Variants in FOXH1 observed in about 807,000 individuals in gnomAD.
FOXH1 encodes the protein forkhead box H1.
FOXH1 carries 10 observed loss-of-function variants against 14.2 expected under a neutral mutation model. The ratio of observed to expected loss-of-function variants is 0.70; its 90% CI spans 0.43 to 1.19. The LOEUF (loss-of-function observed/expected upper bound fraction) is 1.19. FOXH1 is among the 50% of genes most tolerant of loss of function. The pLI, the probability that FOXH1 is intolerant of heterozygous loss-of-function variation, is 0.00. For missense variants in FOXH1, 643 were observed against 492.1 expected (o/e 1.31, Z -2.90); for synonymous variants, 273 against 209.5 (o/e 1.30, Z -2.62).
chr8:144,474,383 C>T lies in FOXH1; in HGVS notation c.953G>A (p.Arg318Gln), dbSNP rs371033241. 30 of 1,613,052 alleles carry T rather than the reference C, an allele frequency of 1.9e-5. No individual in the cohort carries two copies. Among genetic ancestry groups the T allele is most frequent in the Non-Finnish European group, 2.2e-5 (26 of 1,180,006 alleles). ...ATCGCAGAGCAGCCCTGGGGGCCCT[C>T]GGGTTTCAGGGGCCACCCCCCAGTA... ...PAYWGVAPET[R>Q]GPPGLLCDLD... The change falls in exon 3 of 3, where the codon CGA becomes CAA. Residue 318 changes from arginine (R) to glutamine (Q), a missense_variant. Physicochemically the swap from Arg to Gln is conservative, Grantham distance 43. Coordinates refer to ENST00000377317, the MANE Select transcript of FOXH1 (RefSeq NM_003923.3).
chr8:144,473,987 G>A lies in FOXH1; in HGVS notation c.*251C>T, dbSNP rs990130371. 1 of 553,120 alleles carries A rather than the reference G, an allele frequency of 1.8e-6. No homozygotes were observed. The highest frequency in any genetic ancestry group is 3.2e-6 in the Non-Finnish European group (1 of 312,598). 34.3% of individuals were successfully genotyped at this position (553,120 alleles called of 1,614,324 possible). On this transcript the variant is annotated 3_prime_UTR_variant, in exon 3 of 3. Coordinates refer to ENST00000377317, the MANE Select transcript of FOXH1 (RefSeq NM_003923.3). ...GAGGGGACTAGGAAGGGCTATTCCA[G>A]GCTCAGCCCTGCTCCTGCAGCTTTG...
At position 144,474,856 on chromosome 8, in the gene FOXH1, CG is replaced by C; in HGVS notation, c.479del (p.Pro160ArgfsTer14). The C allele has an allele frequency of 1.2e-6, 2 of 1,611,650 alleles. No homozygotes were observed. Among genetic ancestry groups the C allele is most frequent in the East Asian group, 2.2e-5 (1 of 44,872 alleles). ...TGCTGAAGCCCTCACTGGGTGGTGGCGGGGGACTGGGCGGCCGGTATGGCCG... is the reference window on the plus strand; with the variant it reads ...TGCTGAAGCCCTCACTGGGTGGTGGCGGGGACTGGGCGGCCGGTATGGCCG... ...HGRPYRPPSPPPPPSEGFSIK... is the reference protein window; with the variant it reads ...HGRPYRPPSPXPPPSEGFSIK... On this transcript the variant is annotated frameshift_variant, in exon 3 of 3. Coordinates refer to ENST00000377317, the MANE Select transcript of FOXH1 (RefSeq NM_003923.3). LOFTEE classifies it low-confidence loss of function (END_TRUNC).
chr8:144,474,924 C>G lies in FOXH1; in HGVS notation c.412G>C (p.Gly138Arg). The change falls in exon 3 of 3, where the codon GGA becomes CGA. Residue 138 changes from glycine (G) to arginine (R), a missense_variant. Transcript: ENST00000377317. ...CRRWQNGGAR[G>R]AFAKDLGPYV... ...GGGCCCAGGTCCTTGGCGAAGGCTC[C>G]ACGCGCACCTCCGTTCTGCCAGCGC... 3.1e-6 allele frequency: 5 copies of G among 1,608,870 alleles called. No homozygotes were observed. Among genetic ancestry groups the G allele is most frequent in the Non-Finnish European group, 4.2e-6 (5 of 1,179,304 alleles).
chr8:144,475,744 T>A lies in FOXH1; in HGVS notation c.13A>T (p.Ser5Cys), dbSNP rs774860387. 3.3e-5 allele frequency: 47 copies of A among 1,409,550 alleles called. No individual in the cohort carries two copies. Among genetic ancestry groups the A allele is most frequent in the Middle Eastern group, 1.9e-4 (1 of 5,266 alleles). The allele number at this position is 1,409,550 out of a possible 1,614,324, so 87.3% of individuals were successfully genotyped here. A position where few individuals can be genotyped will look rare whatever the true frequency, so the allele number is the denominator to read the frequency against. MGPC[S>C]GSRLGPPEAE... ...TCTGGGGGCCCCAGGCGGGAGCCGC[T>A]GCAGGGCCCCATGCGGGACGGTAGA... Residue 5 changes from serine (S) to cysteine (C), a missense_variant, in exon 1 of 3, where the codon AGC (serine) becomes TGC (cysteine). Coordinates refer to ENST00000377317, the MANE Select transcript of FOXH1 (RefSeq NM_003923.3).
intron 1 of FOXH1, 21 bp from the exon 2 acceptor site, chr8:144,475,282 G>C: frequency 1.3e-6 from 2 of 1,599,374 alleles, no homozygotes; most frequent in Non-Finnish European, 1.7e-6. Context: ...CAGGCGGCCG[G>C]CCGGCGCCGT....
rs1586726829 is a variant in FOXH1, at chr8:144,473,948, T to G, written c.*290A>C. The stretch of plus-strand genomic sequence containing the variant: ...TGACGGCTGGTGACTGATGGATGGG[T>G]AGTGGGCTGAGAAGAGGGGACTAGG... On this transcript the variant is annotated 3_prime_UTR_variant, in exon 3 of 3. Coordinates refer to ENST00000377317, the MANE Select transcript of FOXH1 (RefSeq NM_003923.3). 2.1e-6 allele frequency: 1 copy of G among 474,056 alleles called. No homozygotes were observed. The highest frequency in any genetic ancestry group is 1.9e-5 in the African/African-American group (1 of 51,372). The allele number at this position is 474,056 out of a possible 1,614,324, so 29.4% of individuals were successfully genotyped here.
chr8:144,474,998 C>T lies in FOXH1; in HGVS notation c.338G>A (p.Ser113Asn), dbSNP rs144830740. The change falls in exon 3 of 3, where the codon AGC becomes AAC. Residue 113 changes from serine (S) to asparagine (N), a missense_variant. Transcript: ENST00000377317. ...CCGGAGCGCCTCAGCTGGGATCAGG[C>T]TCACGTCGACCGCCCAGAAGTTGCC... The part of the protein sequence containing the change: ...AKGNFWAVDV[S>N]LIPAEALRLQ... 2 of 1,606,696 alleles carry T rather than the reference C, an allele frequency of 1.2e-6. No individual in the cohort carries two copies. Among genetic ancestry groups the T allele is most frequent in the Non-Finnish European group, 8.5e-7 (1 of 1,177,490 alleles).
Position 144,474,510 on chromosome 8 carries a change from GC to G in FOXH1, c.825del (p.Gln276SerfsTer15). ...SSGGHRASLW[G>X]QLPTSYLPIY... ...ATAGGCAAGTAGGAGGTGGGCAGCT[GC>G]CCCCAGAGGGAGGCCCTGTGTCCCC... On this transcript the variant is annotated frameshift_variant, in exon 3 of 3. Transcript: ENST00000377317. LOFTEE classifies it low-confidence loss of function (END_TRUNC). The G allele has an allele frequency of 6.2e-7, 1 of 1,611,224 alleles. No homozygotes were observed. The highest frequency in any genetic ancestry group is 8.5e-7 in the Non-Finnish European group (1 of 1,179,938).
intron 1 of FOXH1, 48 bp from the exon 2 acceptor site, chr8:144,475,309 G>C (rs751176463): frequency 1.4e-5 from 21 of 1,499,672 alleles, no homozygotes; most frequent in African/African-American, 2.7e-5. Flanking sequence ...AGACGGGGAG[G>C]GGGTAGCGCC....
At chr8:144,475,382 A>C in intron 1 of FOXH1, 121 bp from the exon 2 acceptor site, 1 of 976,918 alleles carries the variant, frequency 1.0e-6, no homozygotes, top group Non-Finnish European at 1.6e-6. Flanking sequence ...TCCCCGAAGA[A>C]GGACATTTCT....
At chr8:144,475,413 G>A (rs1825120644) in intron 1 of FOXH1, 152 bp from the exon 2 acceptor site, 11 of 903,476 alleles carry the variant, frequency 1.2e-5, no homozygotes, top group Non-Finnish European at 1.9e-5. Flanking sequence ...GCGGCAGAGA[G>A]GGCAAGGGGC....
rs373424413 is a variant in FOXH1 at position 144,474,920 on chromosome 8, G to A, written c.416C>T (p.Ala139Val). The A allele has an allele frequency of 3.1e-6, 5 of 1,608,848 alleles. No individual in the cohort carries two copies. Among genetic ancestry groups the A allele is most frequent in the South Asian group, 1.1e-5 (1 of 90,828 alleles). The change falls in exon 3 of 3, where the codon GCC becomes GTC. Residue 139 changes from alanine to valine, a missense_variant. Coordinates refer to ENST00000377317, the MANE Select transcript of FOXH1 (RefSeq NM_003923.3). ...RRWQNGGARG[A>V]FAKDLGPYVL... Reference sequence around the variant, plus strand: ...GTAGGGGCCCAGGTCCTTGGCGAAGGCTCCACGCGCACCTCCGTTCTGCCA... The same window carrying A: ...GTAGGGGCCCAGGTCCTTGGCGAAGACTCCACGCGCACCTCCGTTCTGCCA...
In FOXH1 at chr8:144,473,831, C is replaced by T. The variant is rs530494486; in HGVS notation, c.*407G>A. On this transcript the variant is annotated 3_prime_UTR_variant, in exon 3 of 3. Transcript: ENST00000377317. ...AACCCGTTTCCCGAAAAAGGTGCTA[C>T]CTCCTTTCCAGACAGATGAGAGAGG... is the stretch of plus-strand genomic sequence containing the variant. 6 of 364,906 alleles carry T rather than the reference C, an allele frequency of 1.6e-5. No individual in the cohort carries two copies. The highest frequency in any genetic ancestry group is 7.1e-4 in the Middle Eastern group (1 of 1,406). 22.6% of individuals were successfully genotyped at this position (364,906 alleles called of 1,614,324 possible).
At position 144,474,411 on chromosome 8, in the gene FOXH1, C is replaced by T. The variant is rs1181362456; in HGVS notation, c.925G>A (p.Ala309Thr). The T allele has an allele frequency of 1.9e-6, 3 of 1,613,284 alleles. No individual in the cohort carries two copies. The highest frequency in any genetic ancestry group is 2.2e-5 in the East Asian group (1 of 44,886). ...SCPQCPSTSPAYWGVAPETRG... is the reference protein window; with the variant it reads ...SCPQCPSTSPTYWGVAPETRG... ...GTTTCAGGGGCCACCCCCCAGTAGGCAGGGCTGGTTGACGGACACTGGGGA... is the reference window on the plus strand; with the variant it reads ...GTTTCAGGGGCCACCCCCCAGTAGGTAGGGCTGGTTGACGGACACTGGGGA... Residue 309 changes from alanine to threonine, a missense_variant, in exon 3 of 3, where the codon GCC (alanine) becomes ACC (threonine). By Grantham distance (58) the Ala-to-Thr change is moderately conservative. Coordinates refer to ENST00000377317, the MANE Select transcript of FOXH1 (RefSeq NM_003923.3).
Position 144,473,557 on chromosome 8 carries a change from G to A in FOXH1, c.*681C>T. On this transcript the variant is annotated 3_prime_UTR_variant, in exon 3 of 3. Transcript: ENST00000377317. ...CCTCCACCTCCGCAGCCAGTGAAGT[G>A]TGTTGTGCCTGCTGAAGTGATCACC... 7 of 1,090,390 alleles carry A rather than the reference G, an allele frequency of 6.4e-6. No individual in the cohort carries two copies. The South Asian group carries it at 1.1e-4, about 16-fold the overall frequency. 67.5% of individuals were successfully genotyped at this position (1,090,390 alleles called of 1,614,324 possible). A position where few individuals can be genotyped will look rare whatever the true frequency, so the allele number is the denominator to read the frequency against.
Position 144,473,971 on chromosome 8 carries a change from A to G in FOXH1, c.*267T>C. 1 of 530,310 alleles carries G rather than the reference A, an allele frequency of 1.9e-6. No homozygotes were observed. Among genetic ancestry groups the G allele is most frequent in the Non-Finnish European group, 3.3e-6 (1 of 299,386 alleles). 32.9% of individuals were successfully genotyped at this position (530,310 alleles called of 1,614,324 possible). ...GGTAGTGGGCTGAGAAGAGGGGACT[A>G]GGAAGGGCTATTCCAGGCTCAGCCC... On this transcript the variant is annotated 3_prime_UTR_variant, in exon 3 of 3. Transcript: ENST00000377317.
chr8:144,475,103 C>T (rs914942330), intron 2 of FOXH1, 47 bp from the exon 3 acceptor site: 2 of 1,603,984 alleles, frequency 1.2e-6, no homozygotes, highest in East Asian at 2.2e-5. Flanking sequence ...ACCTTGGATG[C>T]TCAGGACTTC....
Position 144,475,631 on chromosome 8 carries a change from G to A in FOXH1, c.126C>T (p.Ile42=). 2.1e-6 allele frequency: 3 copies of A among 1,442,154 alleles called. No homozygotes were observed. The highest frequency in any genetic ancestry group is 9.1e-7 in the Non-Finnish European group (1 of 1,094,580). 89.3% of individuals were successfully genotyped at this position (1,442,154 alleles called of 1,614,324 possible). ...AGGGAGCGGCCTGAATCACCAAGGCGATCATGGCCAAGTAGGTGTAGGGGG... is the reference window on the plus strand; with the variant it reads ...AGGGAGCGGCCTGAATCACCAAGGCAATCATGGCCAAGTAGGTGTAGGGGG... ...DKPPYTYLAM[I]ALVIQAAPSR... is the part of the protein sequence containing the mutation. Residue 42 remains isoleucine, a synonymous_variant, in exon 1 of 3, where the codon ATC becomes ATT. Coordinates refer to ENST00000377317, the MANE Select transcript of FOXH1 (RefSeq NM_003923.3).
rs372557390 is a variant in FOXH1, at chr8:144,475,503, G to A, written c.174+80C>T. Reference sequence around the variant, plus strand: ...GCATACCTGGGTGGGCTAGGAAGGGGTGGGGGTCAGGGCTTGAACCTGGAA... The same window carrying A: ...GCATACCTGGGTGGGCTAGGAAGGGATGGGGGTCAGGGCTTGAACCTGGAA... On this transcript the variant is annotated intron_variant, in intron 1 of 2. Coordinates refer to ENST00000377317, the MANE Select transcript of FOXH1 (RefSeq NM_003923.3). The A allele has an allele frequency of 3.4e-6, 4 of 1,172,624 alleles. No individual in the cohort carries two copies. The East Asian group carries it at 7.7e-5, about 23-fold the overall frequency. 72.6% of individuals were successfully genotyped at this position (1,172,624 alleles called of 1,614,324 possible).
Sources: gnomAD v4.1 joint callset for allele counts on GRCh38, gnomAD v4.1.1 for gene constraint, MANE v1.5 for transcripts, NCBI Gene and HGNC (gene_info 2026-07-23, HGNC 2026-07-21) for gene names.